Variants in ARID1B observed in about 807,000 individuals in gnomAD.
ARID1B encodes the protein AT-rich interaction domain 1B.
In ARID1B, 30 loss-of-function variants were observed where a neutral mutation model predicts 212.3. The ratio of observed to expected loss-of-function variants is 0.14; its 90% CI spans 0.11 to 0.19. The LOEUF (loss-of-function observed/expected upper bound fraction) is 0.19, where lower values mean the gene tolerates loss of function less well. Among genes scored for constraint, ARID1B ranks in the 10% least tolerant of loss-of-function variants. The pLI, the probability that ARID1B is intolerant of heterozygous loss-of-function variation, is 1.00. For synonymous variants in ARID1B, 1,402 were observed against 1,301.7 expected (o/e 1.08, Z -1.66); for missense variants, 2,891 against 3,204.0 (o/e 0.90, Z 2.36).
Position 157,097,770 on chromosome 6 carries a change from G to A in ARID1B, c.2492-12702G>A, listed in dbSNP as rs561675193. Reference sequence around the variant, plus strand: ...GCCTCAGCTAATCTTTCTCCTGGGGGCCCAGGTGGACAAATTGGCAACCCT... The same window carrying A: ...GCCTCAGCTAATCTTTCTCCTGGGGACCCAGGTGGACAAATTGGCAACCCT... On this transcript the variant is annotated intron_variant, in intron 5 of 19. Coordinates refer to ENST00000636930, the MANE Select transcript of ARID1B (RefSeq NM_001374828.1). 7.8e-4 allele frequency among the ~76,000 whole-genome samples: 119 copies of A among 152,288 alleles called. 1 individual carries two copies. In the South Asian group the frequency reaches 0.015, roughly 19 times the overall value.
intron 4 of ARID1B, chr6:156,976,545 C>T: frequency 4.8e-6 from 1 of 206,392 alleles, no homozygotes; most frequent in Non-Finnish European, 9.7e-6. Flanking sequence ...AAAAAAGAAC[C>T]ACTCTCAGTG....
At position 156,799,684 on chromosome 6, in the gene ARID1B, G is replaced by A. The variant is rs1254299226; in HGVS notation, c.1791+20213G>A. On this transcript the variant is annotated intron_variant, in intron 1 of 19. Coordinates refer to ENST00000636930, the MANE Select transcript of ARID1B (RefSeq NM_001374828.1). ...GTACAGATGGGGTTTCACCATGTTGGCAAGGCTGGTCTCGAACTCGTGACC... is the reference window on the plus strand; with the variant it reads ...GTACAGATGGGGTTTCACCATGTTGACAAGGCTGGTCTCGAACTCGTGACC... Among the ~76,000 whole-genome samples the A allele has an allele frequency of 5.3e-5, 8 of 152,234 alleles. No homozygotes were observed. The South Asian group carries it at 1.2e-3, about 24-fold the overall frequency.
intron 2 of ARID1B, among the ~76,000 whole-genome samples, chr6:156,866,108 G>C (rs1785669976): frequency 6.6e-6 from 1 of 152,274 alleles, no homozygotes; most frequent in South Asian, 2.1e-4. Flanking sequence ...CTCCCATCCT[G>C]GCTGTATTTA....
chr6:157,084,672 G>A lies in ARID1B; in HGVS notation c.2258G>A (p.Gly753Asp), dbSNP rs2128462093. ...CTTTTCCTTTCTTAGGATCTGTCTG[G>A]CTCCATTGATGACCTCCCCACGGGA... ...ERPSSLPDLSGSIDDLPTGTE... is the reference protein window; with the variant it reads ...ERPSSLPDLSDSIDDLPTGTE... Residue 753 changes from glycine to aspartate, a missense_variant, in exon 5 of 20, where the codon GGC becomes GAC. This residue lies in a region of ARID1B where 1,643 missense variants were observed against 1,544.0 expected (regional missense o/e 1.06). Transcript: ENST00000636930. 1 of 1,614,004 alleles carries A rather than the reference G, an allele frequency of 6.2e-7. No homozygotes were observed. Among genetic ancestry groups the A allele is most frequent in the Non-Finnish European group, 8.5e-7 (1 of 1,179,986 alleles).
intron 4 of ARID1B, among the ~76,000 whole-genome samples, chr6:157,073,209 TCTC>T (rs770948902): frequency 8.6e-5 from 13 of 151,730 alleles, no homozygotes; most frequent in Non-Finnish European, 1.5e-4. Flanking sequence ...TTCAGGGAAT[TCTC>T]CTGCCCCAGC....
Position 157,094,382 on chromosome 6 carries a change from TCTCA to T in ARID1B, c.2491+9481_2491+9484del, listed in dbSNP as rs1007769436. Among the ~76,000 whole-genome samples, 6 of 151,924 alleles carry T rather than the reference TCTCA, an allele frequency of 3.9e-5. No individual in the cohort carries two copies. The highest frequency in any genetic ancestry group is 1.5e-4 in the African/African-American group (6 of 41,338). On this transcript the variant is annotated intron_variant, in intron 5 of 19. Transcript: ENST00000636930. This position sits in a 1 kb window ranked among gnomAD's most constrained non-coding sequence, Gnocchi z 4.3. ...TTTATTACTTCTTTTTGAGAAGGAG[TCTCA>T]CTCTGTCTTCCAGGCTAGAGTACAG...
chr6:157,043,787 A>G (rs1047770429), intron 4 of ARID1B, among the ~76,000 whole-genome samples: 1 of 152,208 alleles, frequency 6.6e-6, no homozygotes, highest in Non-Finnish European at 1.5e-5. Context: ...AGGAAGATAT[A>G]TTCATTGTTA....
intron 4 of ARID1B, among the ~76,000 whole-genome samples, chr6:156,974,208 G>C (rs1444278049): frequency 6.6e-6 from 1 of 152,140 alleles, no homozygotes; most frequent in African/African-American, 2.4e-5. Context: ...ATTTAAACAA[G>C]TTCAGATTGC....
intron 1 of ARID1B, among the ~76,000 whole-genome samples, chr6:156,782,732 A>C (rs1309994876): frequency 6.6e-6 from 1 of 152,152 alleles, no homozygotes; most frequent in Non-Finnish European, 1.5e-5. Flanking sequence ...CTTGTAAACA[A>C]ATTTTTGTGG....
intron 2 of ARID1B, among the ~76,000 whole-genome samples, chr6:156,835,826 T>C (rs1783472868): frequency 6.6e-6 from 1 of 152,114 alleles, no homozygotes; most frequent in Non-Finnish European, 1.5e-5. Flanking sequence ...ACTGCGGCCT[T>C]GACCTCCTGG....
In ARID1B at chr6:156,978,609, T is replaced by C. The variant is rs74580088; in HGVS notation, c.2247+43033T>C. On this transcript the variant is annotated intron_variant, in intron 4 of 19. Coordinates refer to ENST00000636930, the MANE Select transcript of ARID1B (RefSeq NM_001374828.1). ...TGAAAACCTTTGTTCTTGTGTGATA[T>C]AAATTATTAGAGACTGTTTTGTGTC... 5.4e-3 allele frequency among the ~76,000 whole-genome samples: 816 copies of C among 152,338 alleles called. 6 individuals are homozygous for C. Among genetic ancestry groups the C allele is most frequent in the Non-Finnish European group, 7.2e-3 (492 of 68,024 alleles).
chr6:156,930,928 T>A (rs533430429), intron 3 of ARID1B, among the ~76,000 whole-genome samples: 4 of 152,168 alleles, frequency 2.6e-5, no homozygotes, highest in South Asian at 2.1e-4. Context: ...GAGTGGCTTA[T>A]GCCTGTAATC....
intron 4 of ARID1B, among the ~76,000 whole-genome samples, chr6:157,073,188 C>T (rs899917695): frequency 6.6e-6 from 1 of 150,950 alleles, no homozygotes; most frequent in Non-Finnish European, 1.5e-5. Flanking sequence ...CTGCAACCTC[C>T]GCCTCCTGGG....
At chr6:157,135,629 A>G (rs1402883956) in intron 7 of ARID1B, among the ~76,000 whole-genome samples, 1 of 152,188 alleles carries the variant, frequency 6.6e-6, no homozygotes, top group Non-Finnish European at 1.5e-5. Context: ...CTCAATGTCC[A>G]AATCAAAATC....
intron 2 of ARID1B, among the ~76,000 whole-genome samples, chr6:156,836,648 T>C (rs1485145878): frequency 6.6e-6 from 1 of 151,966 alleles, no homozygotes; most frequent in Non-Finnish European, 1.5e-5. Context: ...GTGAATGTCT[T>C]TTCATTTCAG....
chr6:157,004,858 TGTA>T (rs1779113494), intron 4 of ARID1B, among the ~76,000 whole-genome samples: 1 of 151,742 alleles, frequency 6.6e-6, no homozygotes, highest in Non-Finnish European at 1.5e-5. Flanking sequence ...ACTTTTCACA[TGTA>T]GTGGCATTTC....
At chr6:156,946,980 T>C (rs941631493) in intron 4 of ARID1B, among the ~76,000 whole-genome samples, 2 of 152,218 alleles carry the variant, frequency 1.3e-5, no homozygotes, top group Non-Finnish European at 2.9e-5. Context: ...GTTGAAATAT[T>C]GATGGCATTG....
intron 8 of ARID1B, among the ~76,000 whole-genome samples, chr6:157,159,018 AAACCCCCAAAGTTCTGGAGAGTC>A (rs1790747379): frequency 1.3e-5 from 2 of 152,156 alleles, no homozygotes; most frequent in Admixed American, 6.5e-5. Context: ...ACATGATACC[AAACCCCCAAAGTTCTGGAGAGTC>A]ATCCATTGCA....
At chr6:157,185,667 C>T (rs1204169611) in intron 13 of ARID1B, 1 of 152,140 alleles carries the variant, frequency 6.6e-6, no homozygotes, top group African/African-American at 2.4e-5. Flanking sequence ...TTGAAAATAC[C>T]TTTGTAATAT....
Sources: allele counts gnomAD v4.1 joint callset (sites outside exome capture counted in the v4.1 genomes callset), GRCh38; gene constraint gnomAD v4.1.1; regional missense constraint gnomAD v4.1.1; non-coding constraint Gnocchi (gnomAD v3.1); transcripts MANE v1.5; gene names NCBI Gene and HGNC (gene_info 2026-07-23, HGNC 2026-07-21).